The following AZIN2 variants were observed in gnomAD, a reference collection of about 807,000 sequenced individuals.
AZIN2 encodes ODC antizyme inhibitor-2.
Under a neutral mutation model 47.8 loss-of-function variants are expected in AZIN2, and 28 were observed. The observed-to-expected ratio is 0.59, with a 90% CI of 0.43 to 0.80. AZIN2 has a LOEUF of 0.80. Among genes scored for constraint, AZIN2 ranks in the 30% least tolerant of loss-of-function variants. The pLI, the probability that AZIN2 is intolerant of heterozygous loss-of-function variation, is 0.00. For synonymous variants in AZIN2, 221 were observed against 239.4 expected (o/e 0.92, Z 0.71); for missense variants, 535 against 582.5 (o/e 0.92, Z 0.84).
Position 33,120,228 on chromosome 1 carries a change from G to A in AZIN2, c.*46G>A, listed in dbSNP as rs1427561447. On this transcript the variant is annotated 3_prime_UTR_variant, in exon 12 of 12. Coordinates refer to ENST00000294517, the MANE Select transcript of AZIN2 (RefSeq NM_052998.4). ...AGAATCCCAGCGGGGCCTCAGAGAT[G>A]CATCTGGGAGAGGTGGGGAAGATGG... The A allele has an allele frequency of 1.3e-6, 2 of 1,555,954 alleles. No individual in the cohort carries two copies. The highest frequency in any genetic ancestry group is 2.7e-5 in the African/African-American group (2 of 73,956).
chr1:33,093,543 T>G lies in AZIN2; in HGVS notation c.587+127T>G, dbSNP rs78433016. 7,102 of 1,248,444 alleles carry G rather than the reference T, an allele frequency of 5.7e-3. 310 individuals carry two copies. The African/African-American group carries it at 0.093, about 16-fold the overall frequency. 77.3% of individuals were successfully genotyped at this position (1,248,444 alleles called of 1,614,324 possible). A position where few individuals can be genotyped will look rare whatever the true frequency, so the allele number is the denominator to read the frequency against. ...GGCCTGTCCCTGGGCCTGGAATTCT[T>G]CCATTTGAGAATTTCCTCTGTTTGA... On this transcript the variant is annotated intron_variant, in intron 7 of 11. Coordinates refer to ENST00000294517, the MANE Select transcript of AZIN2 (RefSeq NM_052998.4).
At chr1:33,119,709 G>C (rs952975274) in intron 11 of AZIN2, 7 of 371,298 alleles carry the variant, frequency 1.9e-5, no homozygotes, top group African/African-American at 1.5e-4. Flanking sequence ...TCTCTCTCTG[G>C]GGAACTGATT....
Position 33,123,196 on chromosome 1 carries a change from G to GA in AZIN2, c.*3018dup, listed in dbSNP as rs1235660635. 2.0e-5 allele frequency among the ~76,000 whole-genome samples: 3 copies of GA among 152,320 alleles called. No homozygotes were observed. The highest frequency in any genetic ancestry group is 7.2e-5 in the African/African-American group (3 of 41,572). On this transcript the variant is annotated 3_prime_UTR_variant, in exon 12 of 12. Transcript: ENST00000294517. ...GTGAAGCCTTCTGGATCACCCTTTA[G>GA]AAAATAGCATGTCCTAGTCTCTCTC... is the stretch of plus-strand genomic sequence containing the variant.
At chr1:33,159,015 A>AT in the AZIN2 span, among the ~76,000 whole-genome samples, 13 of 149,990 alleles carry the variant, frequency 8.7e-5, no homozygotes, top group East Asian at 2.0e-4. The surrounding 1 kb of genome is among the most constrained non-coding windows in gnomAD (Gnocchi z 4.2). Context: ...TAATTTTTGT[A>AT]TTTTTTTTTA....
the AZIN2 span, chr1:33,158,449 G>A: frequency 1.2e-5 from 13 of 1,100,618 alleles, no homozygotes; most frequent in East Asian, 2.6e-4. Context: ...CCACCTTCAG[G>A]GCAGCTGGCA....
downstream of AZIN2, among the ~76,000 whole-genome samples, chr1:33,126,802 G>A (rs1487804244): frequency 2.0e-5 from 3 of 152,102 alleles, no homozygotes; most frequent in Non-Finnish European, 4.4e-5. Flanking sequence ...AGATAAATTT[G>A]AATTCAGAAA....
chr1:33,094,810 T>C (rs1642967985), intron 8 of AZIN2, 97 bp downstream of exon 8: 1 of 1,280,756 alleles, frequency 7.8e-7, no homozygotes, highest in Non-Finnish European at 1.1e-6. Flanking sequence ...GTGGGTCCTA[T>C]GCACTGCATG....
chr1:33,147,444 G>A, the AZIN2 span: 3 of 1,614,044 alleles, frequency 1.9e-6, no homozygotes, highest in Admixed American at 5.0e-5. This position sits in a 1 kb window ranked among gnomAD's most constrained non-coding sequence, Gnocchi z 8.1. Context: ...TCACGATGCA[G>A]TAGAAGCCGC....
rs994676439 is a variant in AZIN2, at chr1:33,081,874, C to T, written c.-73+62C>T. On this transcript the variant is annotated intron_variant, in intron 3 of 11. Coordinates refer to ENST00000294517, the MANE Select transcript of AZIN2 (RefSeq NM_052998.4). The surrounding 1 kb of genome is among the most constrained non-coding windows in gnomAD (Gnocchi z 4.2). The stretch of plus-strand genomic sequence containing the variant: ...TCCCCACCCAAGTTTCTCAGATTTT[C>T]TGTTCCATCTCTCTCTCACTCTTTC... 3 of 263,594 alleles carry T rather than the reference C, an allele frequency of 1.1e-5. No homozygotes were observed. Among genetic ancestry groups the T allele is most frequent in the Non-Finnish European group, 2.2e-5 (3 of 133,448 alleles). The allele number at this position is 263,594 out of a possible 1,614,324, so 16.3% of individuals were successfully genotyped here.
chr1:33,145,919 C>T, the AZIN2 span: 2 of 471,012 alleles, frequency 4.2e-6, no homozygotes, highest in Admixed American at 2.3e-5. Context: ...GACTTAAGTT[C>T]CCCCAAACAG....
At chr1:33,156,125 GCTGGGCTGCAGTCAAGA>G in the AZIN2 span, among the ~76,000 whole-genome samples, 1 of 152,200 alleles carries the variant, frequency 6.6e-6, no homozygotes, top group Non-Finnish European at 1.5e-5. Context: ...CGCAGTCAAG[GCTGGGCTGCAGTCAAGA>G]CTGTCACTCC....
chr1:33,162,197 A>G, the AZIN2 span, among the ~76,000 whole-genome samples: 147,460 of 152,264 alleles, frequency 0.97, 71,479 homozygotes, highest in Middle Eastern at 1. Context: ...TCCTTGACAC[A>G]TAGTAAAATG....
At chr1:33,090,337 TGTC>T (rs1008543170) in intron 5 of AZIN2, among the ~76,000 whole-genome samples, 1 of 152,218 alleles carries the variant, frequency 6.6e-6, no homozygotes, top group African/African-American at 2.4e-5. Flanking sequence ...ACACAGTTGC[TGTC>T]GTCATCATCA....
chr1:33,120,046 A>G lies in AZIN2; in HGVS notation c.1247A>G (p.Glu416Gly). Residue 416 changes from glutamate to glycine, a missense_variant and splice_region_variant, in exon 12 of 12, where the codon GAA (glutamate) becomes GGA (glycine). Coordinates refer to ENST00000294517, the MANE Select transcript of AZIN2 (RefSeq NM_052998.4). ...ITYAMSRVAWEALRRQLMAAE... is the reference protein window; with the variant it reads ...ITYAMSRVAWGALRRQLMAAE... ...CAGCACCCCTCTCTCACCCCTAGGG[A>G]AGCGCTGCGAAGGCAGCTGATGGCT... 6.2e-7 allele frequency: 1 copy of G among 1,613,798 alleles called. No homozygotes were observed. The highest frequency in any genetic ancestry group is 8.5e-7 in the Non-Finnish European group (1 of 1,179,942).
At chr1:33,147,096 G>A in the AZIN2 span, 6 of 1,497,642 alleles carry the variant, frequency 4.0e-6, no homozygotes, top group South Asian at 7.7e-5. The surrounding 1 kb of genome is among the most constrained non-coding windows in gnomAD (Gnocchi z 8.1). Flanking sequence ...CGGTGGGCTG[G>A]AGTCCAGGTC....
chr1:33,138,439 T>C, the AZIN2 span, among the ~76,000 whole-genome samples: 3 of 150,144 alleles, frequency 2.0e-5, no homozygotes, highest in South Asian at 6.3e-4. Context: ...AGTGGAGAGG[T>C]TGCTTGAGAC....
At chr1:33,140,112 A>T in the AZIN2 span, among the ~76,000 whole-genome samples, 2 of 151,814 alleles carry the variant, frequency 1.3e-5, no homozygotes, top group African/African-American at 4.8e-5. The surrounding 1 kb of genome is among the most constrained non-coding windows in gnomAD (Gnocchi z 4.0). Context: ...AAGAGGAAAG[A>T]GGGGAGAGAG....
At chr1:33,096,965 A>T in intron 9 of AZIN2, 96 bp downstream of exon 9, 2 of 1,479,334 alleles carry the variant, frequency 1.4e-6, no homozygotes, top group Admixed American at 3.6e-5. Flanking sequence ...GTGGCAGAGG[A>T]TGGGGGAATC....
Position 33,113,690 on chromosome 1 carries a change from AT to A in AZIN2, c.1030-4211del, listed in dbSNP as rs1644388929. Among the ~76,000 whole-genome samples the A allele has an allele frequency of 6.6e-6, 1 of 152,174 alleles. No individual in the cohort carries two copies. Among genetic ancestry groups the A allele is most frequent in the Non-Finnish European group, 1.5e-5 (1 of 68,040 alleles). On this transcript the variant is annotated intron_variant, in intron 10 of 11. Coordinates refer to ENST00000294517, the MANE Select transcript of AZIN2 (RefSeq NM_052998.4). The surrounding 1 kb of genome is among the most constrained non-coding windows in gnomAD (Gnocchi z 4.1). ...AACCTTAGGCAAAGCAAGCTACTTA[AT>A]CTCTCTGAGCCTTGTTTCTCTAGTT...
Sources: allele counts gnomAD v4.1 joint callset (sites outside exome capture counted in the v4.1 genomes callset), GRCh38; gene constraint gnomAD v4.1.1; non-coding constraint Gnocchi (gnomAD v3.1); transcripts MANE v1.5; gene names NCBI Gene and HGNC (gene_info 2026-07-23, HGNC 2026-07-21).